SUGCT: variants seen among roughly 807,000 people sequenced by gnomAD.
The protein encoded by SUGCT is succinyl-CoA:glutarate-CoA transferase.
A neutral mutation model predicts 55.0 loss-of-function variants in SUGCT; 41 were observed. The ratio of observed to expected loss-of-function variants is 0.74; its 90% CI spans 0.58 to 0.97. The LOEUF is 0.97. SUGCT is among the 50% of genes least tolerant of loss of function. The probability of loss-of-function intolerance (pLI) is 0.00; values close to 1 mark genes in which losing one functional copy is unlikely to be tolerated. For synonymous variants in SUGCT, 187 were observed against 200.4 expected (o/e 0.93, Z 0.56); for missense variants, 568 against 547.8 (o/e 1.04, Z -0.37).
At chr7:40,840,078 T>C (rs1056449122) in intron 13 of SUGCT, among the ~76,000 whole-genome samples, 2 of 152,168 alleles carry the variant, frequency 1.3e-5, no homozygotes, top group African/African-American at 4.8e-5. Context: ...AGTGTGAAAC[T>C]GAGGTTTTCC....
chr7:40,448,922 ATATG>A (rs1260105363), intron 9 of SUGCT, among the ~76,000 whole-genome samples: 14 of 146,324 alleles, frequency 9.6e-5, no homozygotes, highest in African/African-American at 3.7e-4. Flanking sequence ...GTGTGTGTAT[ATATG>A]TGTGTGTGTG....
chr7:40,623,364 C>G (rs1280044320), intron 12 of SUGCT, among the ~76,000 whole-genome samples: 1 of 152,176 alleles, frequency 6.6e-6, no homozygotes, highest in Non-Finnish European at 1.5e-5. Flanking sequence ...ATTACCCAGA[C>G]TGCTTTGGAA....
chr7:40,274,452 A>C, intron 7 of SUGCT, 61 bp from the exon 8 acceptor site: 1 of 1,544,972 alleles, frequency 6.5e-7, no homozygotes. Context: ...AGATTTGAGA[A>C]ATCATATGAT....
intron 9 of SUGCT, among the ~76,000 whole-genome samples, chr7:40,436,369 C>G (rs1788178107): frequency 6.6e-6 from 1 of 152,154 alleles, no homozygotes; most frequent in Admixed American, 6.6e-5. Flanking sequence ...CAGGGCCTCC[C>G]CCAATCTCTG....
At chr7:40,450,207 C>T (rs1312867820) in intron 10 of SUGCT, among the ~76,000 whole-genome samples, 3 of 152,004 alleles carry the variant, frequency 2.0e-5, no homozygotes, top group South Asian at 2.1e-4. Flanking sequence ...GAATTACAGG[C>T]GTGAACCACT....
chr7:40,543,579 A>G (rs1369686769), intron 12 of SUGCT, among the ~76,000 whole-genome samples: 1 of 152,208 alleles, frequency 6.6e-6, no homozygotes, highest in African/African-American at 2.4e-5. Flanking sequence ...TGACTTTCAG[A>G]TGGAAACCTG....
At chr7:40,534,857 C>T (rs1359801782) in intron 12 of SUGCT, among the ~76,000 whole-genome samples, 2 of 152,132 alleles carry the variant, frequency 1.3e-5, no homozygotes, top group Non-Finnish European at 2.9e-5. Flanking sequence ...GTTTTGCCTA[C>T]TCTATTTGTC....
chr7:40,345,558 A>G (rs924290478), intron 9 of SUGCT, among the ~76,000 whole-genome samples: 1 of 152,126 alleles, frequency 6.6e-6, no homozygotes, highest in Non-Finnish European at 1.5e-5. Context: ...TATGCTTCAC[A>G]TTATTCCATT....
At chr7:40,825,529 C>T (rs1014375413) in intron 13 of SUGCT, among the ~76,000 whole-genome samples, 5 of 152,030 alleles carry the variant, frequency 3.3e-5, no homozygotes, top group African/African-American at 1.2e-4. Context: ...TGTTTTTTAA[C>T]GTATTCCATG....
intron 9 of SUGCT, among the ~76,000 whole-genome samples, chr7:40,419,126 A>G (rs1787166076): frequency 6.6e-6 from 1 of 152,170 alleles, no homozygotes; most frequent in Non-Finnish European, 1.5e-5. Context: ...GTGCTCATTT[A>G]TGGGGCGGTG....
At chr7:40,408,209 T>A (rs1247553397) in intron 9 of SUGCT, among the ~76,000 whole-genome samples, 2 of 152,224 alleles carry the variant, frequency 1.3e-5, no homozygotes, top group African/African-American at 4.8e-5. Flanking sequence ...TATGTGCATA[T>A]TCTATTTATC....
rs773474923 is a variant in SUGCT at position 40,860,442 on chromosome 7, T to C, written c.1280T>C (p.Leu427Pro). The change falls in exon 14 of 14, where the codon CTC (leucine) becomes CCC (proline). Residue 427 changes from leucine (L) to proline (P), a missense_variant. By Grantham distance (98) the Leu-to-Pro change is moderately conservative. Transcript: ENST00000335693. ...RYDDRAIGEL[L>P]SAGVVDQHET... ...GATGACAGGGCCATCGGGGAGCTGC[T>C]CAGCGCTGGAGTGGTGGACCAACAT... is the stretch of plus-strand genomic sequence containing the variant. 1 of 1,613,910 alleles carries C rather than the reference T, an allele frequency of 6.2e-7. No individual in the cohort carries two copies. The highest frequency in any genetic ancestry group is 1.1e-5 in the South Asian group (1 of 91,066).
intron 9 of SUGCT, among the ~76,000 whole-genome samples, chr7:40,418,040 G>T (rs1264487628): frequency 6.6e-6 from 1 of 152,136 alleles, no homozygotes; most frequent in Admixed American, 6.5e-5. Context: ...AGACAGATGT[G>T]TATGGTTTTT....
intron 13 of SUGCT, among the ~76,000 whole-genome samples, chr7:40,819,346 A>G (rs1043483733): frequency 1.3e-5 from 2 of 152,168 alleles, no homozygotes; most frequent in African/African-American, 4.8e-5. Context: ...GTCTTCCACA[A>G]TGGTTGAACC....
intron 13 of SUGCT, among the ~76,000 whole-genome samples, chr7:40,839,032 T>G (rs1321468917): frequency 6.6e-6 from 1 of 152,052 alleles, no homozygotes; most frequent in East Asian, 1.9e-4. Context: ...TTTTTCTCCT[T>G]TAGCCTGTTC....
chr7:40,374,262 A>G (rs1784436120), intron 9 of SUGCT, among the ~76,000 whole-genome samples: 2 of 152,184 alleles, frequency 1.3e-5, no homozygotes, highest in South Asian at 2.1e-4. Flanking sequence ...TAATATTTGT[A>G]TGTTGCTTTT....
chr7:40,797,146 A>T (rs1054064641), intron 13 of SUGCT, among the ~76,000 whole-genome samples: 4 of 152,150 alleles, frequency 2.6e-5, no homozygotes, highest in Non-Finnish European at 5.9e-5. Context: ...GTTCAATAGG[A>T]TAGAGAAAAG....
chr7:40,250,671 A>T (rs991304973), intron 7 of SUGCT, among the ~76,000 whole-genome samples: 1 of 152,008 alleles, frequency 6.6e-6, no homozygotes, highest in Non-Finnish European at 1.5e-5. Context: ...AATTTAATTG[A>T]ATTTAACAGA....
chr7:41,007,823 CAAAAAAAAAA>C, the SUGCT span, among the ~76,000 whole-genome samples: 4 of 104,292 alleles, frequency 3.8e-5, no homozygotes, highest in South Asian at 1.5e-3. Flanking sequence ...AACTGAAATC[CAAAAAAAAAA>C]AAAAAAAAAA....
Sources: allele counts gnomAD v4.1 joint callset (sites outside exome capture counted in the v4.1 genomes callset), GRCh38; gene constraint gnomAD v4.1.1; transcripts MANE v1.5; gene names NCBI Gene and HGNC (gene_info 2026-07-23, HGNC 2026-07-21).